RNF224: variants seen among roughly 807,000 people sequenced by gnomAD.
RNF224 encodes ring finger protein 224.
RNF224 carries 1 observed loss-of-function variant against 2.9 expected under a neutral mutation model. The observed-to-expected ratio is 0.35, with a 90% CI of 0.12 to 1.66. The LOEUF is 1.66. Among genes scored for constraint, RNF224 ranks in the 40% most tolerant of loss-of-function variants. The pLI, the probability that RNF224 is intolerant of heterozygous loss-of-function variation, is 0.35. For missense variants in RNF224, 254 were observed against 221.8 expected (o/e 1.15, Z -0.92); for synonymous variants, 116 against 97.6 (o/e 1.19, Z -1.11).
chr9:137,228,497 A>G, intron 2 of RNF224, 125 bp from the exon 3 acceptor site: 1 of 1,073,514 alleles, frequency 9.3e-7, no homozygotes, highest in Non-Finnish European at 1.3e-6. Flanking sequence ...GCTCCCTCCC[A>G]GGTCTGCACG....
In RNF224 at chr9:137,229,341, C is replaced by T. The variant is rs984097711; in HGVS notation, c.*255C>T. 23 of 550,440 alleles carry T rather than the reference C, an allele frequency of 4.2e-5. No individual in the cohort carries two copies. Among genetic ancestry groups the T allele is most frequent in the Admixed American group, 3.8e-4 (12 of 31,580 alleles). 34.1% of individuals were successfully genotyped at this position (550,440 alleles called of 1,614,324 possible). On this transcript the variant is annotated 3_prime_UTR_variant, in exon 3 of 3. Transcript: ENST00000445101. ...ACAATTACCAGACCCCAGACTAGCC[C>T]GACCGGATGTGCCTGGTGAGGACAC... is the stretch of plus-strand genomic sequence containing the variant.
intron 1 of RNF224, 84 bp from the exon 2 acceptor site, chr9:137,228,068 G>C: frequency 2.0e-6 from 1 of 492,390 alleles, no homozygotes; most frequent in Middle Eastern, 5.3e-4. Flanking sequence ...TAAGGTGTTA[G>C]CAGAAGCTGG....
At position 137,228,981 on chromosome 9, in the gene RNF224, G is replaced by C. The variant is rs1258553464; in HGVS notation, c.366G>C (p.Gly122=). 4 of 1,535,622 alleles carry C rather than the reference G, an allele frequency of 2.6e-6. No homozygotes were observed. Among genetic ancestry groups the C allele is most frequent in the Non-Finnish European group, 3.5e-6 (4 of 1,146,754 alleles). ...GCGCCATCACTCGGCAGCCAGCTGG[G>C]CTGTGCCCTGCCCTGGGACCCCAGC... ...KGSAITRQPA[G]LCPALGPQPH... The change falls in exon 3 of 3, where the codon GGG becomes GGC. Residue 122 remains glycine, a synonymous_variant. Coordinates refer to ENST00000445101, the MANE Select transcript of RNF224 (RefSeq NM_001190228.2).
chr9:137,228,818 C>T lies in RNF224; in HGVS notation c.203C>T (p.Pro68Leu), dbSNP rs1361371611. The change falls in exon 3 of 3, where the codon CCG (proline) becomes CTG (leucine). Residue 68 changes from proline (P) to leucine (L), a missense_variant. Physicochemically the swap from Pro to Leu is moderately conservative, Grantham distance 98 (BLOSUM62 -3). Transcript: ENST00000445101. Reference sequence around the variant, plus strand: ...CCCGAGCAGCGCTGGATCCCCTGTCCGCAGTGCCGTCAGAGCACGCCCACG... The same window carrying T: ...CCCGAGCAGCGCTGGATCCCCTGTCTGCAGTGCCGTCAGAGCACGCCCACG... ...PAPEQRWIPC[P>L]QCRQSTPTPR... is the part of the protein sequence containing the mutation. 29 of 1,535,278 alleles carry T rather than the reference C, an allele frequency of 1.9e-5. No homozygotes were observed. Among genetic ancestry groups the T allele is most frequent in the South Asian group, 5.9e-5 (5 of 84,042 alleles).
Position 137,227,856 on chromosome 9 carries a change from G to A in RNF224, c.-190G>A, listed in dbSNP as rs28609129. 101,280 of 157,390 alleles carry A rather than the reference G, an allele frequency of 0.64. 32,712 individuals carry two copies. Among genetic ancestry groups the A allele is most frequent in the Admixed American group, 0.71 (10,880 of 15,336 alleles). The allele number at this position is 157,390 out of a possible 1,614,324, so 9.7% of individuals were successfully genotyped here. On this transcript the variant is annotated 5_prime_UTR_variant, in exon 1 of 3. Coordinates refer to ENST00000445101, the MANE Select transcript of RNF224 (RefSeq NM_001190228.2). ...CCTAGAGGAGGAGATGTGAGCAGAG[G>A]CCAAGGCAGGAAAACATTCCAGTAT...
In RNF224 at chr9:137,229,344, C is replaced by A. The variant is rs1476145205; in HGVS notation, c.*258C>A. The stretch of plus-strand genomic sequence containing the variant: ...ATTACCAGACCCCAGACTAGCCCGA[C>A]CGGATGTGCCTGGTGAGGACACTGC... On this transcript the variant is annotated 3_prime_UTR_variant, in exon 3 of 3. Transcript: ENST00000445101. 3.7e-6 allele frequency: 2 copies of A among 546,852 alleles called. No individual in the cohort carries two copies. Among genetic ancestry groups the A allele is most frequent in the African/African-American group, 3.8e-5 (2 of 53,124 alleles). 33.9% of individuals were successfully genotyped at this position (546,852 alleles called of 1,614,324 possible). A position where few individuals can be genotyped will look rare whatever the true frequency, so the allele number is the denominator to read the frequency against.
Position 137,228,849 on chromosome 9 carries a change from C to G in RNF224, c.234C>G (p.Arg78=). The change falls in exon 3 of 3, where the codon CGC becomes CGG. Residue 78 remains arginine (R), a synonymous_variant. Transcript: ENST00000445101. The part of the protein sequence containing the change: ...PQCRQSTPTP[R]GGVAMLDLDL... The stretch of plus-strand genomic sequence containing the variant: ...GCCGTCAGAGCACGCCCACGCCTCG[C>G]GGAGGGGTGGCCATGCTAGACCTGG... 6.5e-7 allele frequency: 1 copy of G among 1,535,668 alleles called. No individual in the cohort carries two copies. The highest frequency in any genetic ancestry group is 8.7e-7 in the Non-Finnish European group (1 of 1,146,764).
chr9:137,229,132 C>G lies in RNF224; in HGVS notation c.*46C>G. The G allele has an allele frequency of 1.8e-6, 2 of 1,128,292 alleles. No individual in the cohort carries two copies. The highest frequency in any genetic ancestry group is 2.5e-6 in the Non-Finnish European group (2 of 788,982). 69.9% of individuals were successfully genotyped at this position (1,128,292 alleles called of 1,614,324 possible). ...TGCAGGGGAAATGCCTGCCTTGGAACCCCTGACCACACACCATCATGGGTT... is the reference window on the plus strand; with the variant it reads ...TGCAGGGGAAATGCCTGCCTTGGAAGCCCTGACCACACACCATCATGGGTT... On this transcript the variant is annotated 3_prime_UTR_variant, in exon 3 of 3. Coordinates refer to ENST00000445101, the MANE Select transcript of RNF224 (RefSeq NM_001190228.2).
chr9:137,229,145 A>G lies in RNF224; in HGVS notation c.*59A>G, dbSNP rs1836062303. 3.0e-6 allele frequency: 3 copies of G among 1,009,900 alleles called. No homozygotes were observed. Among genetic ancestry groups the G allele is most frequent in the Non-Finnish European group, 4.4e-6 (3 of 684,722 alleles). 62.6% of individuals were successfully genotyped at this position (1,009,900 alleles called of 1,614,324 possible). A position where few individuals can be genotyped will look rare whatever the true frequency, so the allele number is the denominator to read the frequency against. ...CCTGCCTTGGAACCCCTGACCACAC[A>G]CCATCATGGGTTCAGCCCACTCAGA... On this transcript the variant is annotated 3_prime_UTR_variant, in exon 3 of 3. Transcript: ENST00000445101.
intron 2 of RNF224, 84 bp from the exon 3 acceptor site, chr9:137,228,538 C>G (rs1157507051): frequency 5.7e-6 from 7 of 1,220,504 alleles, no homozygotes; most frequent in Non-Finnish European, 7.7e-6. Flanking sequence ...CGCCTGACCT[C>G]TGGGGTGGGC....
intron 1 of RNF224, 80 bp downstream of exon 1, chr9:137,227,941 A>C: frequency 1.5e-5 from 1 of 67,338 alleles, no homozygotes; most frequent in Non-Finnish European, 2.5e-5. Context: ...AGGGGAGGGG[A>C]GGGGGAGGGG....
chr9:137,228,251 C>G lies in RNF224; in HGVS notation c.-85C>G, dbSNP rs560284179. The G allele has an allele frequency of 7.1e-7, 1 of 1,403,778 alleles. No homozygotes were observed. Among genetic ancestry groups the G allele is most frequent in the African/African-American group, 1.4e-5 (1 of 69,830 alleles). The allele number at this position is 1,403,778 out of a possible 1,614,324, so 87.0% of individuals were successfully genotyped here. ...TCCCGTGCAAGGCCAGTAATGCAACCCAGGAGGGAGCCGCAGGGCGCCCTG... is the reference window on the plus strand; with the variant it reads ...TCCCGTGCAAGGCCAGTAATGCAACGCAGGAGGGAGCCGCAGGGCGCCCTG... On this transcript the variant is annotated 5_prime_UTR_variant, in exon 2 of 3. Transcript: ENST00000445101.
intron 2 of RNF224, 128 bp downstream of exon 2, chr9:137,228,469 G>T (rs984711022): frequency 8.9e-7 from 1 of 1,121,852 alleles, no homozygotes; most frequent in East Asian, 2.6e-5. Context: ...CCCTGGTTCT[G>T]CCTGTGCCCG....
Position 137,228,654 on chromosome 9 carries a change from A to C in RNF224, c.39A>C (p.Gly13=), listed in dbSNP as rs1836038125. 2.1e-6 allele frequency: 3 copies of C among 1,456,698 alleles called. No homozygotes were observed. The African/African-American group carries it at 4.2e-5, about 21-fold the overall frequency. The allele number at this position is 1,456,698 out of a possible 1,614,324, so 90.2% of individuals were successfully genotyped here. A position where few individuals can be genotyped will look rare whatever the true frequency, so the allele number is the denominator to read the frequency against. The change falls in exon 3 of 3, where the codon GGA becomes GGC. Residue 13 remains glycine, a synonymous_variant. Transcript: ENST00000445101. ...CAGCCGGAGGGCCCCCAGGCCTCGG[A>C]GGAGGGGGGCCCCCGGAGGAGAGGA... is the stretch of plus-strand genomic sequence containing the variant. ...DAAAGGPPGL[G]GGGPPEERTD...
Position 137,229,436 on chromosome 9 carries a change from G to T in RNF224, c.*350G>T, listed in dbSNP as rs990424070. Reference sequence around the variant, plus strand: ...CGCAAAGGATGGCTCCCAAGAGGATGCGAAGGCGTCCCGGGGGCCTGGGCT... The same window carrying T: ...CGCAAAGGATGGCTCCCAAGAGGATTCGAAGGCGTCCCGGGGGCCTGGGCT... On this transcript the variant is annotated 3_prime_UTR_variant, in exon 3 of 3. Transcript: ENST00000445101. The T allele has an allele frequency of 3.3e-6, 1 of 302,082 alleles. No individual in the cohort carries two copies. Among genetic ancestry groups the T allele is most frequent in the Non-Finnish European group, 6.3e-6 (1 of 158,886 alleles). The allele number at this position is 302,082 out of a possible 1,614,324, so 18.7% of individuals were successfully genotyped here. A position where few individuals can be genotyped will look rare whatever the true frequency, so the allele number is the denominator to read the frequency against.
chr9:137,228,958 G>A lies in RNF224; in HGVS notation c.343G>A (p.Ala115Thr), dbSNP rs757764517. ...PLPLTSLKGSAITRQPAGLCP... is the reference protein window; with the variant it reads ...PLPLTSLKGSTITRQPAGLCP... ...GCCCCTCACCTCCCTCAAAGGCAGCGCCATCACTCGGCAGCCAGCTGGGCT... is the reference window on the plus strand; with the variant it reads ...GCCCCTCACCTCCCTCAAAGGCAGCACCATCACTCGGCAGCCAGCTGGGCT... Residue 115 changes from alanine (A) to threonine (T), a missense_variant, in exon 3 of 3, where the codon GCC becomes ACC. Coordinates refer to ENST00000445101, the MANE Select transcript of RNF224 (RefSeq NM_001190228.2). 37 of 1,535,726 alleles carry A rather than the reference G, an allele frequency of 2.4e-5. No homozygotes were observed. Among genetic ancestry groups the A allele is most frequent in the Admixed American group, 3.9e-5 (2 of 51,006 alleles).
chr9:137,228,960 CATCACTCGGCA>C lies in RNF224; in HGVS notation c.346_356del (p.Ile116AlafsTer135). The C allele has an allele frequency of 6.5e-7, 1 of 1,535,742 alleles. No homozygotes were observed. Among genetic ancestry groups the C allele is most frequent in the Non-Finnish European group, 8.7e-7 (1 of 1,146,826 alleles). Reference sequence around the variant, plus strand: ...CCCTCACCTCCCTCAAAGGCAGCGCCATCACTCGGCAGCCAGCTGGGCTGTGCCCTGCCCTG... The same window carrying C: ...CCCTCACCTCCCTCAAAGGCAGCGCCGCCAGCTGGGCTGTGCCCTGCCCTG... On this transcript the variant is annotated frameshift_variant, in exon 3 of 3. Coordinates refer to ENST00000445101, the MANE Select transcript of RNF224 (RefSeq NM_001190228.2). LOFTEE classifies it low-confidence loss of function (END_TRUNC).
Position 137,229,193 on chromosome 9 carries a change from T to A in RNF224, c.*107T>A. On this transcript the variant is annotated 3_prime_UTR_variant, in exon 3 of 3. Coordinates refer to ENST00000445101, the MANE Select transcript of RNF224 (RefSeq NM_001190228.2). Reference sequence around the variant, plus strand: ...AGAACAACCTGGCAGTAGCATCCTATACGCAGCTTCGTGTGGCCCAGCAGG... The same window carrying A: ...AGAACAACCTGGCAGTAGCATCCTAAACGCAGCTTCGTGTGGCCCAGCAGG... The A allele has an allele frequency of 1.5e-6, 1 of 666,378 alleles. No individual in the cohort carries two copies. 41.3% of individuals were successfully genotyped at this position (666,378 alleles called of 1,614,324 possible).
Position 137,228,286 on chromosome 9 carries a change from C to T in RNF224, c.-50C>T. ...GCCGCAGGGCGCCCTGGGTCCCCCACTCCCTTCTCCGGCCACCCCGTGGCT... is the reference window on the plus strand; with the variant it reads ...GCCGCAGGGCGCCCTGGGTCCCCCATTCCCTTCTCCGGCCACCCCGTGGCT... On this transcript the variant is annotated 5_prime_UTR_variant, in exon 2 of 3. Transcript: ENST00000445101. 11 of 1,528,652 alleles carry T rather than the reference C, an allele frequency of 7.2e-6. No individual in the cohort carries two copies. Among genetic ancestry groups the T allele is most frequent in the Non-Finnish European group, 9.6e-6 (11 of 1,143,194 alleles). The allele number at this position is 1,528,652 out of a possible 1,614,324, so 94.7% of individuals were successfully genotyped here.
Sources: allele counts gnomAD v4.1 joint callset, GRCh38; gene constraint gnomAD v4.1.1; transcripts MANE v1.5; gene names NCBI Gene and HGNC (gene_info 2026-07-23, HGNC 2026-07-21).